UBAC2: variants seen among roughly 807,000 people sequenced by gnomAD.
UBAC2 encodes UBA domain containing 2.
In UBAC2, 26 loss-of-function variants were observed where a neutral mutation model predicts 44.0. That is an observed-to-expected ratio of 0.59 (90% CI 0.43 to 0.82). UBAC2 has a LOEUF of 0.82. Ranked by LOEUF, UBAC2 falls within the 40% of genes least tolerant of loss-of-function variation. The pLI is 0.00. For synonymous variants in UBAC2, 155 were observed against 154.3 expected (o/e 1.00, Z -0.04); for missense variants, 329 against 419.4 (o/e 0.78, Z 1.88).
chr13:99,367,437 C>T (rs1013193758), intron 7 of UBAC2, among the ~76,000 whole-genome samples: 2 of 152,176 alleles, frequency 1.3e-5, no homozygotes, highest in East Asian at 1.9e-4. Context: ...AAGCCCTGAG[C>T]TCCTAAGAGT....
intron 4 of UBAC2, among the ~76,000 whole-genome samples, chr13:99,292,697 C>G (rs987578637): frequency 7.2e-6 from 1 of 139,648 alleles, no homozygotes; most frequent in Non-Finnish European, 1.5e-5. Flanking sequence ...TTACACTGAT[C>G]CAAACTAAAT....
At chr13:99,293,581 G>T (rs1391055685) in intron 4 of UBAC2, among the ~76,000 whole-genome samples, 1 of 152,188 alleles carries the variant, frequency 6.6e-6, no homozygotes, top group Non-Finnish European at 1.5e-5. Flanking sequence ...TGAAGGAAAG[G>T]CAGTAAGATT....
At chr13:99,201,837 C>T (rs1199572648) in intron 1 of UBAC2, among the ~76,000 whole-genome samples, 1 of 151,992 alleles carries the variant, frequency 6.6e-6, no homozygotes, top group East Asian at 1.9e-4. Context: ...TTTGGGAGGC[C>T]GAGGTGGGCG....
chr13:99,264,195 G>A (rs1246498613), intron 4 of UBAC2, among the ~76,000 whole-genome samples: 1 of 152,148 alleles, frequency 6.6e-6, no homozygotes, highest in Admixed American at 6.5e-5. Flanking sequence ...TAAGCTTGAG[G>A]TTCCCTTACA....
At chr13:99,361,086 T>C (rs1395698791) in intron 7 of UBAC2, among the ~76,000 whole-genome samples, 2 of 152,204 alleles carry the variant, frequency 1.3e-5, no homozygotes, top group Non-Finnish European at 2.9e-5. Flanking sequence ...TGTCAGAAAC[T>C]TTTACTGCTC....
intron 8 of UBAC2, among the ~76,000 whole-genome samples, chr13:99,384,324 A>G (rs1191382532): frequency 2.2e-5 from 3 of 137,884 alleles, no homozygotes; most frequent in East Asian, 2.0e-4. Flanking sequence ...TTATTTTAAT[A>G]TAAGTACAAA....
intron 7 of UBAC2, among the ~76,000 whole-genome samples, chr13:99,349,259 G>T (rs1291612950): frequency 6.6e-6 from 1 of 152,206 alleles, no homozygotes; most frequent in Admixed American, 6.5e-5. Context: ...TCTGTGTGCT[G>T]TGATGAGAAA....
chr13:99,215,809 C>A, intron 1 of UBAC2: 1 of 665,854 alleles, frequency 1.5e-6, no homozygotes, highest in East Asian at 2.6e-5. Context: ...TAATCAGACC[C>A]GTGGTGAGAT....
At chr13:99,242,727 G>A (rs1467609267) in intron 2 of UBAC2, among the ~76,000 whole-genome samples, 5 of 139,268 alleles carry the variant, frequency 3.6e-5, no homozygotes, top group Non-Finnish European at 6.3e-5. Flanking sequence ...TGGCCTGGCC[G>A]GGGCTGACCC....
At chr13:99,287,453 G>A (rs149385152) in intron 4 of UBAC2, among the ~76,000 whole-genome samples, 1,799 of 151,740 alleles carry the variant, frequency 0.012, 44 homozygotes, top group African/African-American at 0.041. Flanking sequence ...TTGAGACAGG[G>A]TCTCACTCTC....
chr13:99,356,739 G>A (rs2045190595), intron 7 of UBAC2, among the ~76,000 whole-genome samples: 1 of 152,130 alleles, frequency 6.6e-6, no homozygotes, highest in Admixed American at 6.5e-5. Flanking sequence ...CACATGACAG[G>A]GTTAGATTCA....
intron 6 of UBAC2, among the ~76,000 whole-genome samples, chr13:99,332,050 C>T (rs2044722127): frequency 6.6e-6 from 1 of 151,880 alleles, no homozygotes; most frequent in Admixed American, 6.6e-5. Flanking sequence ...CATGCAGAGG[C>T]AATATCATGC....
intron 8 of UBAC2, among the ~76,000 whole-genome samples, chr13:99,368,688 A>AGTGTGTGTGTGT (rs35193753): frequency 0.016 from 2,312 of 146,648 alleles, 28 homozygotes; most frequent in East Asian, 0.029. Context: ...CTCATGAGAG[A>AGTGTGTGTGTGT]GTGTGTGTGT....
intron 7 of UBAC2, among the ~76,000 whole-genome samples, chr13:99,350,623 A>C (rs2045070109): frequency 6.6e-6 from 1 of 152,178 alleles, no homozygotes; most frequent in Admixed American, 6.5e-5. Flanking sequence ...CTTCCATCTG[A>C]CTGTTCATCT....
chr13:99,208,314 A>G (rs2042898814), intron 1 of UBAC2, among the ~76,000 whole-genome samples: 1 of 152,132 alleles, frequency 6.6e-6, no homozygotes, highest in African/African-American at 2.4e-5. Context: ...TCTCTTTAAA[A>G]TACACTCAGT....
Position 99,228,107 on chromosome 13 carries a change from A to G in UBAC2, c.32-10320A>G, listed in dbSNP as rs543719489. ...GGAAGAGGAAGGACTGACGGGGCCCATTGCACAAGGACAGGTGGAAACCCA... is the reference window on the plus strand; with the variant it reads ...GGAAGAGGAAGGACTGACGGGGCCCGTTGCACAAGGACAGGTGGAAACCCA... On this transcript the variant is annotated intron_variant, in intron 1 of 8. Transcript: ENST00000403766. Among the ~76,000 whole-genome samples the G allele has an allele frequency of 2.6e-5, 4 of 152,252 alleles. No homozygotes were observed. In the South Asian group the frequency reaches 8.3e-4, roughly 32 times the overall value.
intron 1 of UBAC2, among the ~76,000 whole-genome samples, chr13:99,236,577 C>T (rs2043235177): frequency 6.6e-6 from 1 of 152,036 alleles, no homozygotes; most frequent in African/African-American, 2.4e-5. Context: ...GGCTGCTGGG[C>T]ACGGTGGCTC....
intron 1 of UBAC2, chr13:99,201,211 C>T: frequency 7.0e-7 from 1 of 1,425,378 alleles, no homozygotes; most frequent in Non-Finnish European, 9.2e-7. Context: ...TCTCTTGGGG[C>T]CGCTGCAAGT....
At chr13:99,307,627 T>C (rs957360066) in intron 4 of UBAC2, among the ~76,000 whole-genome samples, 7 of 152,184 alleles carry the variant, frequency 4.6e-5, no homozygotes, top group African/African-American at 9.7e-5. Context: ...ATTGTTGATA[T>C]CTGTGGAACT....
Sources: allele counts gnomAD v4.1 joint callset (sites outside exome capture counted in the v4.1 genomes callset), GRCh38; gene constraint gnomAD v4.1.1; transcripts MANE v1.5; gene names NCBI Gene and HGNC (gene_info 2026-07-23, HGNC 2026-07-21).